Variants in LHPP observed in about 807,000 individuals in gnomAD.
LHPP encodes the protein hLHPP.
In LHPP, 24 loss-of-function variants were observed where a neutral mutation model predicts 30.3. The observed-to-expected ratio is 0.79, with a 90% confidence interval of 0.57 to 1.11. LHPP has a LOEUF of 1.11. Ranked by LOEUF, LHPP falls within the 50% of genes most tolerant of loss-of-function variation. The pLI, the probability that LHPP is intolerant of heterozygous loss-of-function variation, is 0.00. For missense variants in LHPP, 356 were observed against 367.2 expected (o/e 0.97, Z 0.25); for synonymous variants, 150 against 157.1 (o/e 0.95, Z 0.34).
At chr10:124,577,711 T>A (rs1948686461) in intron 6 of LHPP, among the ~76,000 whole-genome samples, 1 of 98,118 alleles carries the variant, frequency 1.0e-5, no homozygotes, top group African/African-American at 3.0e-5. Flanking sequence ...TGCATGCACA[T>A]GCATATGTGT....
intron 6 of LHPP, among the ~76,000 whole-genome samples, chr10:124,525,446 G>A (rs1351416803): frequency 6.6e-6 from 1 of 152,202 alleles, no homozygotes; most frequent in East Asian, 1.9e-4. Flanking sequence ...GTTGCTCCCC[G>A]CCCCGACCAT....
At chr10:124,544,931 G>A (rs1410221721) in intron 6 of LHPP, among the ~76,000 whole-genome samples, 1 of 152,212 alleles carries the variant, frequency 6.6e-6, no homozygotes. Flanking sequence ...GTGCATGGGC[G>A]GCCTGGGTTG....
At chr10:124,578,506 A>G (rs1363299778) in intron 6 of LHPP, among the ~76,000 whole-genome samples, 1 of 152,172 alleles carries the variant, frequency 6.6e-6, no homozygotes, top group Non-Finnish European at 1.5e-5. Flanking sequence ...GACTGGCGGG[A>G]CGCAAACGGT....
chr10:124,534,906 C>T (rs531489640), intron 6 of LHPP, among the ~76,000 whole-genome samples: 1 of 152,358 alleles, frequency 6.6e-6, no homozygotes, highest in South Asian at 2.1e-4. Context: ...GCAATGGAAT[C>T]TGGTATTTTC....
chr10:124,573,996 C>G lies in LHPP; in HGVS notation c.717-39268C>G, dbSNP rs533432905. On this transcript the variant is annotated intron_variant, in intron 6 of 6. Coordinates refer to ENST00000368842, the MANE Select transcript of LHPP (RefSeq NM_022126.4). ...CAGGGACCTGGCTCCCCTGGAGCCA[C>G]CGTGCTGCCCCACAGGTGTCACCCA... Among the ~76,000 whole-genome samples the G allele has an allele frequency of 5.1e-4, 78 of 152,286 alleles. 1 individual carries two copies. Among genetic ancestry groups the G allele is most frequent in the African/African-American group, 1.8e-3 (75 of 41,560 alleles).
intron 6 of LHPP, among the ~76,000 whole-genome samples, chr10:124,534,896 G>A (rs1475955005): frequency 2.0e-5 from 3 of 152,232 alleles, no homozygotes; most frequent in East Asian, 1.9e-4. Flanking sequence ...GAAAGAAAGA[G>A]CAATGGAATC....
At chr10:124,521,954 G>A (rs902902684) in intron 6 of LHPP, among the ~76,000 whole-genome samples, 10 of 151,652 alleles carry the variant, frequency 6.6e-5, no homozygotes, top group South Asian at 6.5e-4. Flanking sequence ...GGATTCGGCC[G>A]CTGACTGGCA....
chr10:124,534,285 G>A (rs1954967111), intron 6 of LHPP, among the ~76,000 whole-genome samples: 1 of 152,252 alleles, frequency 6.6e-6, no homozygotes, highest in Non-Finnish European at 1.5e-5. Flanking sequence ...AGCAGCTGGA[G>A]GCAGATGCTG....
chr10:124,476,680 CG>C (rs980908339), intron 1 of LHPP, among the ~76,000 whole-genome samples: 21 of 152,288 alleles, frequency 1.4e-4, no homozygotes, highest in African/African-American at 4.8e-4. Flanking sequence ...TGGGCGTCCC[CG>C]GGGCATATGT....
At chr10:124,498,170 C>T (rs1564790733) in intron 5 of LHPP, 42 bp downstream of exon 5, 11 of 1,579,642 alleles carry the variant, frequency 7.0e-6, no homozygotes, top group Admixed American at 6.7e-5. Flanking sequence ...GAGGCAGCCC[C>T]GTCAGGGAGG....
chr10:124,539,695 C>T (rs1400308953), intron 6 of LHPP, among the ~76,000 whole-genome samples: 1 of 148,314 alleles, frequency 6.7e-6, no homozygotes, highest in Non-Finnish European at 1.5e-5. Flanking sequence ...GAGATCGTGC[C>T]ACTGCACTCT....
At chr10:124,514,434 C>T (rs1274337520) in intron 5 of LHPP, among the ~76,000 whole-genome samples, 1 of 152,158 alleles carries the variant, frequency 6.6e-6, no homozygotes, top group Non-Finnish European at 1.5e-5. Context: ...ATTTCATCTT[C>T]ATTTTGGAAA....
chr10:124,477,089 A>G (rs910936578), intron 1 of LHPP, among the ~76,000 whole-genome samples: 4 of 152,102 alleles, frequency 2.6e-5, no homozygotes, highest in African/African-American at 9.7e-5. Context: ...TGTAGTCCCA[A>G]CTACTCGGGA....
Position 124,484,334 on chromosome 10 carries a change from T to C in LHPP, c.313+8T>C. On this transcript the variant is annotated splice_region_variant and intron_variant, in intron 2 of 6. Coordinates refer to ENST00000368842, the MANE Select transcript of LHPP (RefSeq NM_022126.4). ...ACCTGCTCATCCATGACGGTAGGCC[T>C]GTCGGACACCAGGACCTCACGGGGG... The C allele has an allele frequency of 6.2e-7, 1 of 1,607,356 alleles. No individual in the cohort carries two copies. The highest frequency in any genetic ancestry group is 8.5e-7 in the Non-Finnish European group (1 of 1,174,736).
chr10:124,577,720 G>GTAAA (rs1948687180), intron 6 of LHPP, among the ~76,000 whole-genome samples: 1 of 99,486 alleles, frequency 1.0e-5, no homozygotes, highest in Non-Finnish European at 2.5e-5. Flanking sequence ...ATGCATATGT[G>GTAAA]TGCACACATA....
At chr10:124,524,520 C>T (rs1954685469) in intron 6 of LHPP, among the ~76,000 whole-genome samples, 1 of 152,082 alleles carries the variant, frequency 6.6e-6, no homozygotes, top group South Asian at 2.1e-4. Context: ...CAAATGATCC[C>T]CCCGCCTTGA....
At chr10:124,522,733 A>ACC (rs1564808304) in intron 6 of LHPP, among the ~76,000 whole-genome samples, 1 of 144,506 alleles carries the variant, frequency 6.9e-6, no homozygotes, top group Non-Finnish European at 1.5e-5. Flanking sequence ...GCCCCCCCCC[A>ACC]AGCACTGTCT....
At chr10:124,529,988 G>A (rs1009756015) in intron 6 of LHPP, among the ~76,000 whole-genome samples, 1 of 152,192 alleles carries the variant, frequency 6.6e-6, no homozygotes, top group Non-Finnish European at 1.5e-5. Flanking sequence ...AAGTGGGGGC[G>A]GCTGGAGAGG....
At chr10:124,597,358 C>T (rs547034240) in intron 6 of LHPP, among the ~76,000 whole-genome samples, 5 of 152,350 alleles carry the variant, frequency 3.3e-5, no homozygotes, top group African/African-American at 1.2e-4. Context: ...AGGCAGGCCC[C>T]TCACCTGGCC....
Sources: gnomAD v4.1 joint callset for allele counts (sites outside exome capture counted in the v4.1 genomes callset) on GRCh38, gnomAD v4.1.1 for gene constraint, MANE v1.5 for transcripts, NCBI Gene and HGNC (gene_info 2026-07-23, HGNC 2026-07-21) for gene names.